CFAP77: variants seen among roughly 807,000 people sequenced by gnomAD.
The protein encoded by CFAP77 is cilia- and flagella-associated protein 77.
In CFAP77, 25 loss-of-function variants were observed where a neutral mutation model predicts 31.1. The observed-to-expected ratio is 0.80, with a 90% CI of 0.59 to 1.12. The LOEUF (loss-of-function observed/expected upper bound fraction) is 1.12, where lower values mean the gene tolerates loss of function less well. CFAP77 is among the 50% of genes most tolerant of loss of function. The probability of loss-of-function intolerance (pLI) is 0.00; values close to 1 mark genes in which losing one functional copy is unlikely to be tolerated. For missense variants in CFAP77, 377 were observed against 397.3 expected (o/e 0.95, Z 0.44); for synonymous variants, 151 against 159.9 (o/e 0.94, Z 0.42).
chr9:132,529,653 C>G (rs144774409), intron 3 of CFAP77, among the ~76,000 whole-genome samples: 1 of 151,310 alleles, frequency 6.6e-6, no homozygotes, highest in South Asian at 2.1e-4. Flanking sequence ...GGTGAAACCC[C>G]GTCTCTACTA....
intron 5 of CFAP77, among the ~76,000 whole-genome samples, chr9:132,557,259 G>T (rs1301912277): frequency 6.6e-6 from 1 of 152,204 alleles, no homozygotes; most frequent in East Asian, 1.9e-4. Context: ...CCAGCGTGAG[G>T]TTCTTGCTGG....
intron 3 of CFAP77, among the ~76,000 whole-genome samples, chr9:132,503,054 C>T (rs535694973): frequency 3.9e-5 from 6 of 152,288 alleles, no homozygotes; most frequent in African/African-American, 1.4e-4. Context: ...AAATACCAGG[C>T]ACATCTCTCC....
In CFAP77 at chr9:132,565,880, C is replaced by A. The variant is rs189088451; in HGVS notation, c.733-6508C>A. On this transcript the variant is annotated intron_variant, in intron 5 of 5. Transcript: ENST00000393216. The surrounding 1 kb of genome is among the most constrained non-coding windows in gnomAD (Gnocchi z 4.1). The stretch of plus-strand genomic sequence containing the variant: ...ACCGGGATAAAGCCTCCCGCTCGCC[C>A]GGCTCCCAGGGCTGCTGGCGGCTGT... 1.4e-3 allele frequency among the ~76,000 whole-genome samples: 220 copies of A among 152,332 alleles called. No homozygotes were observed. The highest frequency in any genetic ancestry group is 5.0e-3 in the African/African-American group (206 of 41,562).
chr9:132,496,947 A>T (rs1184789200), intron 1 of CFAP77, among the ~76,000 whole-genome samples: 3 of 152,198 alleles, frequency 2.0e-5, no homozygotes, highest in Non-Finnish European at 4.4e-5. Context: ...AAATGAGCAG[A>T]ACAGATAGCT....
chr9:132,551,556 A>G (rs1180703785), intron 5 of CFAP77, among the ~76,000 whole-genome samples: 12 of 152,074 alleles, frequency 7.9e-5, no homozygotes, highest in Admixed American at 7.9e-4. Context: ...TTGGCCTCCC[A>G]AAGTGCCGGG....
chr9:132,474,584 G>A (rs528482111), intron 1 of CFAP77, among the ~76,000 whole-genome samples: 2 of 152,160 alleles, frequency 1.3e-5, no homozygotes, highest in East Asian at 1.9e-4. Flanking sequence ...TAGGACCAGG[G>A]GGGGAATGCA....
In CFAP77 at chr9:132,539,678, C is replaced by T. The variant is rs748863494; in HGVS notation, c.630+1972C>T. Among the ~76,000 whole-genome samples, 5 of 152,186 alleles carry T rather than the reference C, an allele frequency of 3.3e-5. No homozygotes were observed. Among genetic ancestry groups the T allele is most frequent in the Admixed American group, 1.3e-4 (2 of 15,280 alleles). ...GCACGAAGTGGGAGGCTGAGGATTT[C>T]CAGGCGTGGCGGGTGCCAGGGCCTC... On this transcript the variant is annotated intron_variant, in intron 4 of 5. Transcript: ENST00000393216. The surrounding 1 kb of genome is among the most constrained non-coding windows in gnomAD (Gnocchi z 4.3).
chr9:132,450,341 C>T (rs980961831), intron 1 of CFAP77, among the ~76,000 whole-genome samples: 1 of 151,052 alleles, frequency 6.6e-6, no homozygotes, highest in Admixed American at 6.6e-5. Context: ...GTGAGAACTA[C>T]AGGTCAGTGA....
rs1198439025 is a variant in CFAP77 at position 132,499,771 on chromosome 9, G to A, written c.524+171G>A. On this transcript the variant is annotated intron_variant, in intron 3 of 5. Transcript: ENST00000393216. This position sits in a 1 kb window ranked among gnomAD's most constrained non-coding sequence, Gnocchi z 5.4. Reference sequence around the variant, plus strand: ...CTATAGCCACACCCTGAATCCTGCTGAGCTGGGTCCTGGCCTTATAGCAGG... The same window carrying A: ...CTATAGCCACACCCTGAATCCTGCTAAGCTGGGTCCTGGCCTTATAGCAGG... 2.6e-5 allele frequency among the ~76,000 whole-genome samples: 4 copies of A among 152,164 alleles called. No homozygotes were observed. Among genetic ancestry groups the A allele is most frequent in the African/African-American group, 7.2e-5 (3 of 41,448 alleles).
intron 1 of CFAP77, among the ~76,000 whole-genome samples, chr9:132,485,464 G>T (rs981708540): frequency 6.6e-6 from 1 of 152,156 alleles, no homozygotes; most frequent in South Asian, 2.1e-4. Flanking sequence ...AAACTGTCAC[G>T]TCCCAATCAT....
chr9:132,449,926 GTTTT>G (rs886845862), intron 1 of CFAP77, among the ~76,000 whole-genome samples: 13 of 151,590 alleles, frequency 8.6e-5, no homozygotes, highest in African/African-American at 2.7e-4. Context: ...TTGTTTGTTT[GTTTT>G]GAGATGGAGT....
chr9:132,555,753 C>T (rs192988623), intron 5 of CFAP77, among the ~76,000 whole-genome samples: 1 of 152,160 alleles, frequency 6.6e-6, no homozygotes, highest in East Asian at 1.9e-4. Flanking sequence ...AACACACCCC[C>T]CAGCCCTGTG....
intron 1 of CFAP77, among the ~76,000 whole-genome samples, chr9:132,472,238 A>G (rs2131736659): frequency 6.6e-6 from 1 of 152,370 alleles, no homozygotes; most frequent in Middle Eastern, 3.4e-3. Flanking sequence ...GACACTGGAT[A>G]TCATCTGTCA....
chr9:132,567,232 C>G (rs1564254988), intron 5 of CFAP77, among the ~76,000 whole-genome samples: 1 of 152,134 alleles, frequency 6.6e-6, no homozygotes, highest in Non-Finnish European at 1.5e-5. Context: ...CTCTTGTGCC[C>G]AAAACACCCC....
chr9:132,537,843 GC>G, intron 4 of CFAP77, 137 bp downstream of exon 4: 1 of 659,198 alleles, frequency 1.5e-6, no homozygotes, highest in Non-Finnish European at 2.7e-6. Flanking sequence ...TGCATCTTCT[GC>G]CCAGCATCAG....
intron 1 of CFAP77, among the ~76,000 whole-genome samples, chr9:132,459,261 C>CG (rs1165684115): frequency 6.6e-6 from 1 of 151,926 alleles, no homozygotes; most frequent in Admixed American, 6.6e-5. Context: ...TTAGTAGAGA[C>CG]GGGGTTTCAC....
At chr9:132,432,245 A>G (rs1850423038) in intron 1 of CFAP77, among the ~76,000 whole-genome samples, 1 of 152,096 alleles carries the variant, frequency 6.6e-6, no homozygotes, top group South Asian at 2.1e-4. Flanking sequence ...GATCTGGGGG[A>G]GGGCAAAAGG....
At chr9:132,413,149 G>A (rs748135224) in intron 1 of CFAP77, among the ~76,000 whole-genome samples, 2 of 152,148 alleles carry the variant, frequency 1.3e-5, no homozygotes, top group Non-Finnish European at 2.9e-5. Context: ...AATAGGATCA[G>A]CATTTTTTTT....
At chr9:132,532,292 G>C (rs1463753296) in intron 3 of CFAP77, among the ~76,000 whole-genome samples, 1 of 152,358 alleles carries the variant, frequency 6.6e-6, no homozygotes, top group Non-Finnish European at 1.5e-5. Flanking sequence ...GACCCAGGGA[G>C]TGGATATTTA....
Sources: gnomAD v4.1 joint callset for allele counts (sites outside exome capture counted in the v4.1 genomes callset) on GRCh38, gnomAD v4.1.1 for gene constraint, Gnocchi (gnomAD v3.1) non-coding constraint, MANE v1.5 for transcripts, NCBI Gene and HGNC (gene_info 2026-07-23, HGNC 2026-07-21) for gene names.